The following SOX5 variants were observed in gnomAD, a reference collection of about 807,000 sequenced individuals.
The protein encoded by SOX5 is transcription factor SOX-5.
In SOX5, 9 loss-of-function variants were observed where a neutral mutation model predicts 92.0. The observed-to-expected ratio is 0.10, with a 90% CI of 0.06 to 0.17. SOX5 has a LOEUF of 0.17. SOX5 is among the 10% of genes least tolerant of loss of function. The pLI is 1.00. For synonymous variants in SOX5, 344 were observed against 336.3 expected (o/e 1.02, Z -0.25); for missense variants, 642 against 944.5 (o/e 0.68, Z 4.20).
At chr12:23,975,272 C>T (rs1015042105) in intron 4 of SOX5, among the ~76,000 whole-genome samples, 8 of 151,604 alleles carry the variant, frequency 5.3e-5, no homozygotes, top group South Asian at 2.1e-4. Context: ...TACTGATCCT[C>T]GATACTATAA....
rs12309067 is a variant in SOX5 at position 24,559,473 on chromosome 12, A to G, written c.-251+2856T>C. Among the ~76,000 whole-genome samples the G allele has an allele frequency of 4.0e-3, 602 of 152,328 alleles. 6 individuals are homozygous for G. The highest frequency in any genetic ancestry group is 0.014 in the African/African-American group (572 of 41,580). The stretch of plus-strand genomic sequence containing the variant: ...TGTCCTGTAAGTTTTACTTTTTTAT[A>G]TAATCTGAACATACCCTCAAATCAA... On this transcript the variant is annotated intron_variant, in intron 1 of 4. Transcript: ENST00000446891.
intron 2 of SOX5, among the ~76,000 whole-genome samples, chr12:23,848,189 C>T (rs1016073644): frequency 2.0e-5 from 3 of 152,074 alleles, no homozygotes; most frequent in Admixed American, 2.0e-4. Flanking sequence ...TGATGACAAA[C>T]TTTAGAAACA....
intron 9 of SOX5, among the ~76,000 whole-genome samples, chr12:23,593,902 G>T (rs1951947734): frequency 6.6e-6 from 1 of 151,942 alleles, no homozygotes; most frequent in African/African-American, 2.4e-5. Context: ...AAACATATAT[G>T]AAAGCAAAAA....
chr12:24,531,841 G>T (rs1951221575), intron 1 of SOX5, among the ~76,000 whole-genome samples: 2 of 152,206 alleles, frequency 1.3e-5, no homozygotes, highest in African/African-American at 4.8e-5. Flanking sequence ...GCCCGCTGAG[G>T]TTATCAAAAG....
intron 10 of SOX5, among the ~76,000 whole-genome samples, chr12:23,569,523 G>A (rs1947768499): frequency 6.6e-6 from 1 of 152,142 alleles, no homozygotes; most frequent in South Asian, 2.1e-4. Flanking sequence ...TCTGAGATAA[G>A]TCCCAAACTC....
chr12:23,701,740 C>A (rs2090655602), intron 6 of SOX5, among the ~76,000 whole-genome samples: 1 of 151,926 alleles, frequency 6.6e-6, no homozygotes, highest in Non-Finnish European at 1.5e-5. Flanking sequence ...GACATAAGAC[C>A]CCTCCCTCAA....
intron 2 of SOX5, among the ~76,000 whole-genome samples, chr12:23,886,132 T>C (rs1453672089): frequency 6.6e-6 from 1 of 152,184 alleles, no homozygotes; most frequent in Non-Finnish European, 1.5e-5. Context: ...CATCATTCTG[T>C]AAGATTTTCT....
chr12:24,543,897 G>A (rs761276304), intron 1 of SOX5, among the ~76,000 whole-genome samples: 4 of 152,102 alleles, frequency 2.6e-5, no homozygotes, highest in Non-Finnish European at 5.9e-5. Flanking sequence ...ACAAGGTTCT[G>A]CCTTTTAACT....
chr12:24,155,423 T>C (rs1229111326), intron 4 of SOX5, among the ~76,000 whole-genome samples: 1 of 152,184 alleles, frequency 6.6e-6, no homozygotes, highest in Non-Finnish European at 1.5e-5. Context: ...TTTTTGACAT[T>C]GTTTCCATAA....
At chr12:23,755,499 G>T in intron 4 of SOX5, 139 bp downstream of exon 4, 1 of 613,990 alleles carries the variant, frequency 1.6e-6, no homozygotes, top group South Asian at 2.0e-5. Flanking sequence ...CCTCCTTCAA[G>T]ATAGAAAGAA....
intron 4 of SOX5, among the ~76,000 whole-genome samples, chr12:24,128,355 C>T (rs1475094293): frequency 2.0e-5 from 3 of 152,154 alleles, no homozygotes; most frequent in Admixed American, 6.5e-5. Context: ...ACCTTTACTC[C>T]TTGCTCATGA....
chr12:23,646,718 C>A (rs566286812), intron 7 of SOX5, among the ~76,000 whole-genome samples: 1 of 152,266 alleles, frequency 6.6e-6, no homozygotes, highest in African/African-American at 2.4e-5. Flanking sequence ...TTTCAAGAAA[C>A]CATTTTCTTT....
At chr12:23,680,327 A>G (rs1294884904) in intron 6 of SOX5, among the ~76,000 whole-genome samples, 1 of 130,270 alleles carries the variant, frequency 7.7e-6, no homozygotes. Flanking sequence ...CCTTGTCTCA[A>G]AAAAAAAAAA....
At chr12:24,280,839 T>A (rs1254785264) in intron 2 of SOX5, among the ~76,000 whole-genome samples, 4 of 152,116 alleles carry the variant, frequency 2.6e-5, no homozygotes, top group Non-Finnish European at 5.9e-5. Flanking sequence ...AGGTTTTTTT[T>A]TTTAGCATAA....
intron 1 of SOX5, among the ~76,000 whole-genome samples, chr12:24,554,245 C>G (rs1267694415): frequency 6.6e-6 from 1 of 152,176 alleles, no homozygotes; most frequent in East Asian, 1.9e-4. Context: ...AGTTCCTAAA[C>G]CAGAATGGGG....
chr12:23,648,114 T>C (rs2138948967), intron 7 of SOX5, among the ~76,000 whole-genome samples: 1 of 152,288 alleles, frequency 6.6e-6, no homozygotes, highest in Non-Finnish European at 1.5e-5. Flanking sequence ...ATAACTATAA[T>C]ACCAAAGATC....
At chr12:24,523,989 C>T (rs1950478615) in intron 1 of SOX5, among the ~76,000 whole-genome samples, 1 of 152,110 alleles carries the variant, frequency 6.6e-6, no homozygotes, top group Non-Finnish European at 1.5e-5. Context: ...AAACTATATG[C>T]GATGGTTAAT....
chr12:23,929,584 A>G (rs2139147439), intron 1 of SOX5, among the ~76,000 whole-genome samples: 1 of 152,072 alleles, frequency 6.6e-6, no homozygotes, highest in East Asian at 1.9e-4. Flanking sequence ...CCACTGTGAA[A>G]GAGGAAAAAA....
In SOX5 at chr12:24,271,414, T is replaced by C. The variant is rs564052978; in HGVS notation, c.-77+5802A>G. On this transcript the variant is annotated intron_variant, in intron 3 of 4. Transcript: ENST00000446891. The stretch of plus-strand genomic sequence containing the variant: ...CTTGTAGTTTTTTAAAAATCAATTC[T>C]GAATACCAACCTTGTCAATGATGTT... Among the ~76,000 whole-genome samples the C allele has an allele frequency of 7.2e-5, 11 of 152,346 alleles. No homozygotes were observed. The South Asian group carries it at 2.1e-3, about 29-fold the overall frequency.
Sources: gnomAD v4.1 joint callset for allele counts (sites outside exome capture counted in the v4.1 genomes callset) on GRCh38, gnomAD v4.1.1 for gene constraint, MANE v1.5 for transcripts, NCBI Gene and HGNC (gene_info 2026-07-23, HGNC 2026-07-21) for gene names.